MAP4: variants seen among roughly 807,000 people sequenced by gnomAD.
The protein encoded by MAP4 is microtubule associated protein 4.
MAP4 carries 76 observed loss-of-function variants against 170.2 expected under a neutral mutation model. The observed-to-expected ratio is 0.45, with a 90% CI of 0.37 to 0.54. MAP4 has a LOEUF of 0.54. Among genes scored for constraint, MAP4 ranks in the 20% least tolerant of loss-of-function variants. MAP4 has a pLI of 0.00. For synonymous variants in MAP4, 909 were observed against 994.5 expected (o/e 0.91, Z 1.62); for missense variants, 2,506 against 2,748.0 (o/e 0.91, Z 1.97).
intron 1 of MAP4, among the ~76,000 whole-genome samples, chr3:48,045,984 C>CTTTT (rs59624917): frequency 2.1e-4 from 28 of 130,828 alleles, no homozygotes; most frequent in East Asian, 1.3e-3. Context: ...TGCATCACTT[C>CTTTT]TTTTTTTTTT....
chr3:48,027,221 A>G (rs913458338), intron 1 of MAP4, among the ~76,000 whole-genome samples: 2 of 152,234 alleles, frequency 1.3e-5, no homozygotes, highest in African/African-American at 4.8e-5. Context: ...GTAAAATAAA[A>G]AAGAGTAAGG....
intron 1 of MAP4, among the ~76,000 whole-genome samples, chr3:48,011,684 C>A (rs1433994754): frequency 6.6e-6 from 1 of 152,082 alleles, no homozygotes; most frequent in Non-Finnish European, 1.5e-5. Context: ...ATTGTAACTC[C>A]AGATCATGAC....
chr3:47,925,566 A>G (rs971677215), intron 4 of MAP4, among the ~76,000 whole-genome samples: 2 of 152,288 alleles, frequency 1.3e-5, no homozygotes, highest in Admixed American at 6.5e-5. Flanking sequence ...AAGTACTGAT[A>G]CATGCCACAA....
intron 1 of MAP4, among the ~76,000 whole-genome samples, chr3:48,084,626 G>T (rs190639510): frequency 5.3e-5 from 8 of 149,676 alleles, no homozygotes; most frequent in Admixed American, 3.4e-4. Flanking sequence ...CAGCAAGGCT[G>T]AAGTGCAGTG....
At chr3:48,081,415 CAG>C (rs1276750958) in intron 1 of MAP4, among the ~76,000 whole-genome samples, 4 of 152,018 alleles carry the variant, frequency 2.6e-5, no homozygotes, top group African/African-American at 9.7e-5. Context: ...AGCTGAAAAA[CAG>C]TAATTTAAAA....
chr3:47,925,429 G>T (rs1288851439), intron 4 of MAP4, among the ~76,000 whole-genome samples: 1 of 152,162 alleles, frequency 6.6e-6, no homozygotes, highest in Non-Finnish European at 1.5e-5. Context: ...GGTCAAGGCT[G>T]CAGTGAGCCC....
At chr3:47,936,530 A>G (rs1204363169) in intron 3 of MAP4, among the ~76,000 whole-genome samples, 1 of 152,160 alleles carries the variant, frequency 6.6e-6, no homozygotes, top group Non-Finnish European at 1.5e-5. Context: ...AAATCTAGCT[A>G]CAAGCACGCA....
intron 1 of MAP4, among the ~76,000 whole-genome samples, chr3:48,078,311 A>ATT (rs758589017): frequency 8.1e-4 from 102 of 125,236 alleles, no homozygotes; most frequent in South Asian, 4.6e-3. Flanking sequence ...TGCCTGGCTA[A>ATT]TTTTTTTTTT....
rs775151351 is a variant in MAP4 at position 47,914,949 on chromosome 3, A to G, written c.1877-10T>C. On this transcript the variant is annotated splice_polypyrimidine_tract_variant and intron_variant, in intron 7 of 20. Coordinates refer to ENST00000683076, the MANE Select transcript of MAP4 (RefSeq NM_001385682.1). ...GTTCCTGTGACGGTTTCTAAAGGTAATAACAAAAGCCACACACGTTTCAGA... is the reference window on the plus strand; with the variant it reads ...GTTCCTGTGACGGTTTCTAAAGGTAGTAACAAAAGCCACACACGTTTCAGA... 23 of 1,613,886 alleles carry G rather than the reference A, an allele frequency of 1.4e-5. No homozygotes were observed. The highest frequency in any genetic ancestry group is 1.6e-4 in the Middle Eastern group (1 of 6,082).
At position 47,916,656 on chromosome 3, in the gene MAP4, C is replaced by T. The variant is rs200339972; in HGVS notation, c.1171G>A (p.Ala391Thr). Residue 391 changes from alanine (A) to threonine (T), a missense_variant, in exon 7 of 21, where the codon GCT becomes ACT. Around this residue, in one of 3 missense-constraint regions of MAP4, gnomAD observed 2,008 missense variants for 2,206.0 expected, o/e 0.91. Coordinates refer to ENST00000683076, the MANE Select transcript of MAP4 (RefSeq NM_001385682.1). ...ERASPIKMDL[A>T]PSKDMGPPKE... ...GGTGGTCCCATGTCCTTGGAAGGAG[C>T]CAAGTCCATTTTTATAGGAGATGCC... 36 of 1,614,052 alleles carry T rather than the reference C, an allele frequency of 2.2e-5. No homozygotes were observed. The highest frequency in any genetic ancestry group is 5.0e-5 in the Admixed American group (3 of 60,008).
chr3:47,871,890 C>A, intron 13 of MAP4, 27 bp downstream of exon 13: 2 of 1,586,714 alleles, frequency 1.3e-6, no homozygotes, highest in Non-Finnish European at 8.6e-7. Context: ...CTCCCTAGTT[C>A]CCATGGGAGA....
chr3:47,876,023 T>G (rs1003111414), intron 11 of MAP4, 123 bp from the exon 12 acceptor site: 12 of 666,066 alleles, frequency 1.8e-5, no homozygotes, highest in Non-Finnish European at 2.3e-5. Flanking sequence ...TTATAAGCAA[T>G]GAGGATAGAT....
At chr3:48,061,777 C>A (rs1353850392) in intron 1 of MAP4, among the ~76,000 whole-genome samples, 2,719 of 103,270 alleles carry the variant, frequency 0.026, no homozygotes, top group African/African-American at 0.058. Flanking sequence ...CCAGCCGCCC[C>A]GTCCGGGAGG....
At chr3:48,055,613 G>A (rs1313563634) in intron 1 of MAP4, among the ~76,000 whole-genome samples, 2 of 129,012 alleles carry the variant, frequency 1.6e-5, no homozygotes, top group East Asian at 2.3e-4. Context: ...TGCAGCCTCT[G>A]CCCGGCCGCC....
intron 20 of MAP4, 51 bp from the exon 21 acceptor site, chr3:47,852,989 G>A (rs1490168772): frequency 1.2e-6 from 2 of 1,614,212 alleles, no homozygotes; most frequent in Admixed American, 3.3e-5. Flanking sequence ...GGAGACAAGA[G>A]GGGAACACGG....
chr3:47,982,524 T>C lies in MAP4; in HGVS notation c.224-4591A>G, dbSNP rs567869359. Among the ~76,000 whole-genome samples, 14 of 152,312 alleles carry C rather than the reference T, an allele frequency of 9.2e-5. 1 individual carries two copies. In the South Asian group the frequency reaches 2.9e-3, roughly 32 times the overall value. Reference sequence around the variant, plus strand: ...AGCAGAATGAGGTAACTTATTTTTATGTGGCAAAAGTAAAACATTCTCAAA... The same window carrying C: ...AGCAGAATGAGGTAACTTATTTTTACGTGGCAAAAGTAAAACATTCTCAAA... On this transcript the variant is annotated intron_variant, in intron 2 of 20. Transcript: ENST00000683076.
At chr3:47,947,730 G>C (rs1358096850) in intron 3 of MAP4, among the ~76,000 whole-genome samples, 1 of 149,300 alleles carries the variant, frequency 6.7e-6, no homozygotes, top group East Asian at 2.0e-4. Context: ...AGAATTGCTT[G>C]AACCCGGGAG....
intron 1 of MAP4, among the ~76,000 whole-genome samples, chr3:48,045,584 C>T (rs2100124076): frequency 6.6e-6 from 1 of 152,192 alleles, no homozygotes. Context: ...GAAAAACTGT[C>T]TTCCACTAAA....
At chr3:48,055,182 C>CG (rs2100130185) in intron 1 of MAP4, among the ~76,000 whole-genome samples, 3 of 82,266 alleles carry the variant, frequency 3.6e-5, no homozygotes, top group African/African-American at 1.6e-4. Context: ...AAAAGTCTCC[C>CG]TCTCCCTCTC....
Sources: gnomAD v4.1 joint callset for allele counts (sites outside exome capture counted in the v4.1 genomes callset) on GRCh38, gnomAD v4.1.1 for gene constraint, gnomAD v4.1.1 regional missense constraint, MANE v1.5 for transcripts, NCBI Gene and HGNC (gene_info 2026-07-23, HGNC 2026-07-21) for gene names.